Variants in SLC7A11 observed in about 807,000 individuals in gnomAD.
SLC7A11 encodes the protein solute carrier family 7 member 11, also known as cystine/glutamate transporter.
In SLC7A11, 35 loss-of-function variants were observed where a neutral mutation model predicts 54.5. That is an observed-to-expected ratio of 0.64 (90% CI 0.49 to 0.85). The LOEUF (loss-of-function observed/expected upper bound fraction) is 0.85. SLC7A11 is among the 40% of genes least tolerant of loss of function. The pLI is 0.00. For missense variants in SLC7A11, 583 were observed against 618.1 expected (o/e 0.94, Z 0.60); for synonymous variants, 230 against 225.2 (o/e 1.02, Z -0.19).
chr4:138,190,633 T>C (rs1451857788), intron 6 of SLC7A11, among the ~76,000 whole-genome samples: 1 of 152,174 alleles, frequency 6.6e-6, no homozygotes, highest in African/African-American at 2.4e-5. Context: ...TTCAGTCATG[T>C]GTTGCAGACA....
chr4:138,165,628 A>G lies in SLC7A11; in HGVS notation c.*6328T>C, dbSNP rs1194499069. 1 of 152,172 alleles carries G rather than the reference A, an allele frequency of 6.6e-6. No homozygotes were observed. The highest frequency in any genetic ancestry group is 1.5e-5 in the Non-Finnish European group (1 of 67,998). The allele number at this position is 152,172 out of a possible 1,614,324, so 9.4% of individuals were successfully genotyped here. ...CTATTGTGCAAAGATGAAAATTTGG[A>G]GCCAATGTCTGTATTCAAAATAACC... is the stretch of plus-strand genomic sequence containing the variant. On this transcript the variant is annotated 3_prime_UTR_variant, in exon 12 of 12. Coordinates refer to ENST00000280612, the MANE Select transcript of SLC7A11 (RefSeq NM_014331.4).
intron 1 of SLC7A11, among the ~76,000 whole-genome samples, chr4:138,240,988 T>C (rs1738362411): frequency 6.6e-6 from 1 of 152,186 alleles, no homozygotes; most frequent in African/African-American, 2.4e-5. Context: ...ATTATACTTC[T>C]GCCAGTTCCC....
intron 1 of SLC7A11, among the ~76,000 whole-genome samples, chr4:138,240,422 C>T (rs1308147045): frequency 6.6e-6 from 1 of 151,830 alleles, no homozygotes; most frequent in East Asian, 1.9e-4. Flanking sequence ...GAAAAATAAG[C>T]CCAACGTGGT....
At chr4:138,209,031 C>T (rs74374259) in intron 6 of SLC7A11, among the ~76,000 whole-genome samples, 3,085 of 152,036 alleles carry the variant, frequency 0.02, 69 homozygotes, top group African/African-American at 0.054. Flanking sequence ...AAAGTTATTT[C>T]TTGGAGTAAT....
In SLC7A11 at chr4:138,167,664, C is replaced by G. The variant is rs1446976408; in HGVS notation, c.*4292G>C. 1 of 152,118 alleles carries G rather than the reference C, an allele frequency of 6.6e-6. No individual in the cohort carries two copies. Among genetic ancestry groups the G allele is most frequent in the Non-Finnish European group, 1.5e-5 (1 of 68,034 alleles). The allele number at this position is 152,118 out of a possible 1,614,324, so 9.4% of individuals were successfully genotyped here. On this transcript the variant is annotated 3_prime_UTR_variant, in exon 12 of 12. Coordinates refer to ENST00000280612, the MANE Select transcript of SLC7A11 (RefSeq NM_014331.4). ...ACCCATTATCTACTCTAATTTATAT[C>G]CACTATGAGCTTCTTCCCAGTTGTT...
chr4:138,242,174 C>T lies in SLC7A11; in HGVS notation c.-105G>A. 1 of 1,301,744 alleles carries T rather than the reference C, an allele frequency of 7.7e-7. No individual in the cohort carries two copies. Among genetic ancestry groups the T allele is most frequent in the Non-Finnish European group, 1.1e-6 (1 of 949,138 alleles). The allele number at this position is 1,301,744 out of a possible 1,614,324, so 80.6% of individuals were successfully genotyped here. A position where few individuals can be genotyped will look rare whatever the true frequency, so the allele number is the denominator to read the frequency against. On this transcript the variant is annotated 5_prime_UTR_variant, in exon 1 of 12. Coordinates refer to ENST00000280612, the MANE Select transcript of SLC7A11 (RefSeq NM_014331.4). ...ATCGATGTCTTCCTCTGCTTTCAGA[C>T]TGTCTCTCTCAGCGCTATAGTGTTC... is the stretch of plus-strand genomic sequence containing the variant.
At chr4:138,240,948 A>G (rs1738361075) in intron 1 of SLC7A11, among the ~76,000 whole-genome samples, 1 of 152,194 alleles carries the variant, frequency 6.6e-6, no homozygotes, top group African/African-American at 2.4e-5. Flanking sequence ...GATCAATAGA[A>G]GAGACATAAA....
intron 5 of SLC7A11, among the ~76,000 whole-genome samples, chr4:138,216,844 A>G (rs1035091375): frequency 1.3e-5 from 2 of 152,218 alleles, no homozygotes; most frequent in African/African-American, 4.8e-5. Context: ...TAGCAGCAGC[A>G]TAGGGAGTGG....
chr4:138,202,839 A>ACGTAAACACT (rs2148429046), intron 6 of SLC7A11, among the ~76,000 whole-genome samples: 1 of 152,216 alleles, frequency 6.6e-6, no homozygotes, highest in Admixed American at 6.6e-5. Flanking sequence ...GTGCAGAGCT[A>ACGTAAACACT]CCTTCACAAC....
chr4:138,207,965 T>A (rs5028339), intron 6 of SLC7A11, among the ~76,000 whole-genome samples: 61,757 of 151,654 alleles, frequency 0.41, 13,437 homozygotes, highest in Middle Eastern at 0.59. Flanking sequence ...TACACTAAGA[T>A]TTTAAGACGG....
chr4:138,193,136 C>T (rs1295333826), intron 6 of SLC7A11, among the ~76,000 whole-genome samples: 1 of 152,140 alleles, frequency 6.6e-6, no homozygotes, highest in Non-Finnish European at 1.5e-5. Context: ...AACATGGAGA[C>T]ATTCAATCCC....
chr4:138,204,556 C>G (rs1578651301), intron 6 of SLC7A11, among the ~76,000 whole-genome samples: 1 of 151,970 alleles, frequency 6.6e-6, no homozygotes, highest in South Asian at 2.1e-4. Flanking sequence ...ATGCCAGCCA[C>G]TCAGATCAAG....
At chr4:138,234,599 C>T (rs971225540) in intron 2 of SLC7A11, among the ~76,000 whole-genome samples, 16 of 151,950 alleles carry the variant, frequency 1.1e-4, no homozygotes, top group Middle Eastern at 3.2e-3. Context: ...TTTGATTATC[C>T]GCTACCTGGG....
intron 10 of SLC7A11, among the ~76,000 whole-genome samples, chr4:138,180,290 A>G (rs1289239890): frequency 6.6e-6 from 1 of 152,100 alleles, no homozygotes; most frequent in Non-Finnish European, 1.5e-5. Flanking sequence ...CCTCCTCACC[A>G]TGGCTGTCCA....
rs964495712 is a variant in SLC7A11, at chr4:138,189,056, C to T, written c.792-3812G>A. 2.6e-5 allele frequency among the ~76,000 whole-genome samples: 4 copies of T among 152,194 alleles called. No individual in the cohort carries two copies. In the South Asian group the frequency reaches 8.3e-4, roughly 32 times the overall value. ...TTGGATAGTCTTCTTTTCTTATGGG[C>T]TTATTTTAAATTGGCACTTACAACC... On this transcript the variant is annotated intron_variant, in intron 6 of 11. Coordinates refer to ENST00000280612, the MANE Select transcript of SLC7A11 (RefSeq NM_014331.4).
chr4:138,220,828 T>A (rs535088430), intron 4 of SLC7A11, among the ~76,000 whole-genome samples: 2 of 152,332 alleles, frequency 1.3e-5, no homozygotes, highest in East Asian at 3.9e-4. Flanking sequence ...ATCTCAGTTT[T>A]TCCTGCATTC....
Position 138,179,429 on chromosome 4 carries a change from A to G in SLC7A11, c.1267-35T>C, listed in dbSNP as rs763196162. The G allele has an allele frequency of 9.5e-6, 15 of 1,585,086 alleles. No homozygotes were observed. The East Asian group carries it at 2.7e-4, about 29-fold the overall frequency. On this transcript the variant is annotated intron_variant, in intron 10 of 11. Coordinates refer to ENST00000280612, the MANE Select transcript of SLC7A11 (RefSeq NM_014331.4). ...AGAACACAAAAAAGTCACTTCAAAC[A>G]TGTTCAAGCAACAGAAGCTGGGTTT...
intron 6 of SLC7A11, among the ~76,000 whole-genome samples, chr4:138,206,806 G>A (rs1737418715): frequency 6.6e-6 from 1 of 151,868 alleles, no homozygotes; most frequent in Non-Finnish European, 1.5e-5. Context: ...TTTTTAGAGT[G>A]AACAAAAGCA....
In SLC7A11 at chr4:138,197,948, AAATAT is replaced by A. The variant is rs541785954; in HGVS notation, c.792-12709_792-12705del. 5.6e-3 allele frequency among the ~76,000 whole-genome samples: 847 copies of A among 150,462 alleles called. 11 individuals carry two copies. The highest frequency in any genetic ancestry group is 0.019 in the African/African-American group (792 of 41,280). On this transcript the variant is annotated intron_variant, in intron 6 of 11. Transcript: ENST00000280612. The stretch of plus-strand genomic sequence containing the variant: ...CAATGTAATATATTGTAAGTATCAT[AAATAT>A]AATATAATAAATAAAAAGTATCATC...
Sources: gnomAD v4.1 joint callset for allele counts (sites outside exome capture counted in the v4.1 genomes callset) on GRCh38, gnomAD v4.1.1 for gene constraint, MANE v1.5 for transcripts, NCBI Gene and HGNC (gene_info 2026-07-23, HGNC 2026-07-21) for gene names.